TNP2: variants seen among roughly 807,000 people sequenced by gnomAD.
The protein encoded by TNP2 is transition protein 2.
In TNP2, 10 loss-of-function variants were observed where a neutral mutation model predicts 8.5. The ratio of observed to expected loss-of-function variants is 1.17; its 90% confidence interval spans 0.72 to 1.99. The LOEUF (loss-of-function observed/expected upper bound fraction) is 1.99, where lower values mean the gene tolerates loss of function less well. TNP2 is among the 30% of genes most tolerant of loss of function. The probability of loss-of-function intolerance (pLI) is 0.00; values close to 1 mark genes in which losing one functional copy is unlikely to be tolerated. For synonymous variants in TNP2, 80 were observed against 62.3 expected (o/e 1.28, Z -1.34); for missense variants, 222 against 181.2 (o/e 1.23, Z -1.29).
In TNP2 at chr16:11,269,320, C is replaced by G. The variant is rs2141137147; in HGVS notation, c.-58G>C. On this transcript the variant is annotated 5_prime_UTR_variant, in exon 1 of 2. Coordinates refer to ENST00000312693, the MANE Select transcript of TNP2 (RefSeq NM_005425.5). ...CCTCATCCTCTCCCAGCAGGCCTAG[C>G]TTTACAGAGGCCCTGGCAGCCCACC... 3.9e-6 allele frequency: 6 copies of G among 1,541,084 alleles called. No homozygotes were observed. Among genetic ancestry groups the G allele is most frequent in the East Asian group, 2.2e-5 (1 of 44,484 alleles).
chr16:11,268,731 T>G, intron 1 of TNP2, 132 bp downstream of exon 1: 20 of 971,210 alleles, frequency 2.1e-5, no homozygotes, highest in Admixed American at 3.5e-5. Context: ...CTGCCATTGT[T>G]TCTCTTCTCC....
In TNP2 at chr16:11,268,947, T is replaced by C; in HGVS notation, c.316A>G (p.Arg106Gly). ...TTCAGCTTGCCTTCCAAGTTCTTTC[T>C]GTTCTTGGGGCAGCGGCAGTGCAGG... ...TILHCRCPKNRKNLEGKLKKK... is the reference protein window; with the variant it reads ...TILHCRCPKNGKNLEGKLKKK... Residue 106 changes from arginine (R) to glycine (G), a missense_variant, in exon 1 of 2, where the codon AGA becomes GGA. Coordinates refer to ENST00000312693, the MANE Select transcript of TNP2 (RefSeq NM_005425.5). The C allele has an allele frequency of 6.2e-7, 1 of 1,611,678 alleles. No individual in the cohort carries two copies. Among genetic ancestry groups the C allele is most frequent in the African/African-American group, 1.3e-5 (1 of 74,734 alleles).
chr16:11,268,067 A>G (rs2069731808), intron 1 of TNP2, 55 bp from the exon 2 acceptor site: 1 of 1,572,856 alleles, frequency 6.4e-7, no homozygotes. Context: ...TCATGAAGTC[A>G]GTGACCTCCT....
Position 11,269,181 on chromosome 16 carries a change from G to A in TNP2, c.82C>T (p.Arg28Cys), listed in dbSNP as rs201174585. The A allele has an allele frequency of 5.4e-5, 87 of 1,612,830 alleles. No homozygotes were observed. The East Asian group carries it at 1.5e-3, about 28-fold the overall frequency. ...NSQPQSRTCT[R>C]HCQTFSQSCR... ...CTCTGGCTGAAGGTTTGGCAATGGC[G>A]GGTGCAGGTGCGGCTTTGGGGCTGA... Residue 28 changes from arginine (R) to cysteine (C), a missense_variant, in exon 1 of 2, where the codon CGC (arginine) becomes TGC (cysteine). Physicochemically the swap from Arg to Cys is radical, Grantham distance 180 (BLOSUM62 -3). Coordinates refer to ENST00000312693, the MANE Select transcript of TNP2 (RefSeq NM_005425.5).
In TNP2 at chr16:11,269,092, G is replaced by C; in HGVS notation, c.171C>G (p.Arg57=). 1 of 1,614,010 alleles carries C rather than the reference G, an allele frequency of 6.2e-7. No homozygotes were observed. The highest frequency in any genetic ancestry group is 1.1e-5 in the South Asian group (1 of 91,076). ...ATGAGCTGTGGGCTCCAGTTGGGTT[G>C]CGGTGGCTGGCCGGGCTCTGGCTGG... ...QSSSQSPASH[R]NPTGAHSSSG... The change falls in exon 1 of 2, where the codon CGC becomes CGG. Residue 57 remains arginine, a synonymous_variant. Transcript: ENST00000312693.
chr16:11,269,022 G>A lies in TNP2; in HGVS notation c.241C>T (p.Arg81Cys), dbSNP rs774953108. ...TGGGAGTTCATAGTCTTTTTGTGGC[G>A]CTTTGGTGGTGGACTAGTGTTGGGA... ...QSPNTSPPPKRHKKTMNSHHS... is the reference protein window; with the variant it reads ...QSPNTSPPPKCHKKTMNSHHS... The change falls in exon 1 of 2, where the codon CGC (arginine) becomes TGC (cysteine). Residue 81 changes from arginine (R) to cysteine (C), a missense_variant. Physicochemically the swap from Arg to Cys is radical, Grantham distance 180. Coordinates refer to ENST00000312693, the MANE Select transcript of TNP2 (RefSeq NM_005425.5). 15 of 1,613,922 alleles carry A rather than the reference G, an allele frequency of 9.3e-6. No individual in the cohort carries two copies. Among genetic ancestry groups the A allele is most frequent in the African/African-American group, 2.7e-5 (2 of 75,012 alleles).
In TNP2 at chr16:11,269,049, T is replaced by C; in HGVS notation, c.214A>G (p.Ser72Gly). The stretch of plus-strand genomic sequence containing the variant: ...TTTGGTGGTGGACTAGTGTTGGGAC[T>C]CTGGCTCTGGTGGCCGGATGAGCTG... ...AHSSSGHQSQ[S>G]PNTSPPPKRH... Residue 72 changes from serine to glycine, a missense_variant, in exon 1 of 2, where the codon AGT becomes GGT. Coordinates refer to ENST00000312693, the MANE Select transcript of TNP2 (RefSeq NM_005425.5). 6.2e-7 allele frequency: 1 copy of C among 1,613,970 alleles called. No individual in the cohort carries two copies. Among genetic ancestry groups the C allele is most frequent in the South Asian group, 1.1e-5 (1 of 91,070 alleles).
rs1467931795 is a variant in TNP2, at chr16:11,269,072, C to T, written c.191G>A (p.Ser64Asn). Residue 64 changes from serine (S) to asparagine (N), a missense_variant, in exon 1 of 2, where the codon AGC becomes AAC. Transcript: ENST00000312693. ...ACTCTGGCTCTGGTGGCCGGATGAG[C>T]TGTGGGCTCCAGTTGGGTTGCGGTG... ...ASHRNPTGAH[S>N]SSGHQSQSPN... 1 of 1,613,954 alleles carries T rather than the reference C, an allele frequency of 6.2e-7. No individual in the cohort carries two copies. Among genetic ancestry groups the T allele is most frequent in the Admixed American group, 1.7e-5 (1 of 60,014 alleles).
chr16:11,268,504 G>A (rs528641484), intron 1 of TNP2: 9 of 373,002 alleles, frequency 2.4e-5, no homozygotes, highest in Admixed American at 4.2e-5. Flanking sequence ...CCAGCTAATC[G>A]TATCCAAACT....
chr16:11,268,611 C>T (rs747615742), intron 1 of TNP2: 1 of 463,334 alleles, frequency 2.2e-6, no homozygotes, highest in Non-Finnish European at 3.8e-6. Flanking sequence ...CAACTCCATT[C>T]ATGCTTTCAT....
chr16:11,268,151 C>T, intron 1 of TNP2, 139 bp from the exon 2 acceptor site: 1 of 744,390 alleles, frequency 1.3e-6, no homozygotes, highest in Non-Finnish European at 2.2e-6. Flanking sequence ...AGACTACCGT[C>T]AGTGTCCTTT....
intron 1 of TNP2, 33 bp downstream of exon 1, chr16:11,268,830 T>C (rs2069744858): frequency 6.6e-7 from 1 of 1,519,960 alleles, no homozygotes; most frequent in East Asian, 2.3e-5. Context: ...ATCTGTGGGC[T>C]CGGTGGCCCT....
chr16:11,269,315 C>A lies in TNP2; in HGVS notation c.-53G>T, dbSNP rs901370925. 5.8e-6 allele frequency: 9 copies of A among 1,550,252 alleles called. No homozygotes were observed. The highest frequency in any genetic ancestry group is 6.1e-6 in the Non-Finnish European group (7 of 1,155,500). On this transcript the variant is annotated 5_prime_UTR_variant, in exon 1 of 2. Coordinates refer to ENST00000312693, the MANE Select transcript of TNP2 (RefSeq NM_005425.5). ...CTCCTCCTCATCCTCTCCCAGCAGG[C>A]CTAGCTTTACAGAGGCCCTGGCAGC...
chr16:11,268,076 C>G lies in TNP2; in HGVS notation c.401-64G>C, dbSNP rs1468461003. On this transcript the variant is annotated intron_variant, in intron 1 of 1. Transcript: ENST00000312693. ...AGCACTTCATGAAGTCAGTGACCTC[C>G]TTGACCTCCTGTAAGGTCTTACAAC... The G allele has an allele frequency of 7.3e-6, 11 of 1,512,560 alleles. No homozygotes were observed. The Admixed American group carries it at 1.9e-4, about 26-fold the overall frequency. The allele number at this position is 1,512,560 out of a possible 1,614,324, so 93.7% of individuals were successfully genotyped here. A position where few individuals can be genotyped will look rare whatever the true frequency, so the allele number is the denominator to read the frequency against.
In TNP2 at chr16:11,269,307, C is replaced by A; in HGVS notation, c.-45G>T. 2 of 1,561,780 alleles carry A rather than the reference C, an allele frequency of 1.3e-6. No individual in the cohort carries two copies. Among genetic ancestry groups the A allele is most frequent in the Non-Finnish European group, 8.6e-7 (1 of 1,160,722 alleles). ...GGCAGGGCCTCCTCCTCATCCTCTC[C>A]CAGCAGGCCTAGCTTTACAGAGGCC... On this transcript the variant is annotated 5_prime_UTR_variant, in exon 1 of 2. Coordinates refer to ENST00000312693, the MANE Select transcript of TNP2 (RefSeq NM_005425.5).
chr16:11,268,924 C>T lies in TNP2; in HGVS notation c.339G>A (p.Leu113=), dbSNP rs1179503072. Residue 113 remains leucine (L), a synonymous_variant, in exon 1 of 2, where the codon CTG becomes CTA. Coordinates refer to ENST00000312693, the MANE Select transcript of TNP2 (RefSeq NM_005425.5). ...PKNRKNLEGK[L]KKKKMAKRIQ... ...TCCTCTTGGCCATTTTTTTCTTTTT[C>T]AGCTTGCCTTCCAAGTTCTTTCTGT... 16 of 1,602,486 alleles carry T rather than the reference C, an allele frequency of 1.0e-5. No homozygotes were observed. The Admixed American group carries it at 1.1e-4, about 11-fold the overall frequency.
chr16:11,268,024 G>T lies in TNP2; in HGVS notation c.401-12C>A. The stretch of plus-strand genomic sequence containing the variant: ...GTTGGATTTCCATCCTAAGGGATAA[G>T]AGTGGGAAAGGAACCTTTAATAGCT... On this transcript the variant is annotated splice_polypyrimidine_tract_variant and intron_variant, in intron 1 of 1. Transcript: ENST00000312693. 2 of 1,612,396 alleles carry T rather than the reference G, an allele frequency of 1.2e-6. No individual in the cohort carries two copies. The highest frequency in any genetic ancestry group is 1.7e-6 in the Non-Finnish European group (2 of 1,179,270).
chr16:11,267,924 A>G lies in TNP2; in HGVS notation c.*72T>C. 4.0e-6 allele frequency: 6 copies of G among 1,514,930 alleles called. No homozygotes were observed. Among genetic ancestry groups the G allele is most frequent in the Non-Finnish European group, 5.4e-6 (6 of 1,102,006 alleles). 93.8% of individuals were successfully genotyped at this position (1,514,930 alleles called of 1,614,324 possible). On this transcript the variant is annotated 3_prime_UTR_variant, in exon 2 of 2. Transcript: ENST00000312693. ...CACCATAGTAACATGTTCCTGCAAG[A>G]AGATTGACTTCATCCTAGCATTTTC...
chr16:11,268,693 T>C, intron 1 of TNP2, 170 bp downstream of exon 1: 1 of 663,512 alleles, frequency 1.5e-6, no homozygotes, highest in Admixed American at 3.7e-5. Flanking sequence ...AGACTTTCCG[T>C]CAATGTATCA....
Sources: gnomAD v4.1 joint callset for allele counts on GRCh38, gnomAD v4.1.1 for gene constraint, MANE v1.5 for transcripts, NCBI Gene and HGNC (gene_info 2026-07-23, HGNC 2026-07-21) for gene names.